The following PLCD4 variants were observed in gnomAD, a reference collection of about 807,000 sequenced individuals.
PLCD4 encodes 1-phosphatidylinositol 4,5-bisphosphate phosphodiesterase delta-4.
In PLCD4, 63 loss-of-function variants were observed where a neutral mutation model predicts 90.2. The ratio of observed to expected loss-of-function variants is 0.70; its 90% confidence interval spans 0.57 to 0.86. The LOEUF is 0.86. Ranked by LOEUF, PLCD4 falls within the 40% of genes least tolerant of loss-of-function variation. The pLI is 0.00. For synonymous variants in PLCD4, 294 were observed against 356.5 expected, an observed-to-expected ratio of 0.82 and a Z score of 1.97; for missense variants, 830 against 956.3, an observed-to-expected ratio of 0.87 and a Z score of 1.74.
rs752696755 is a variant in PLCD4, at chr2:218,634,056, G to C, written c.1607-49G>C. The C allele has an allele frequency of 6.4e-7, 1 of 1,560,810 alleles. No individual in the cohort carries two copies. The highest frequency in any genetic ancestry group is 1.2e-5 in the South Asian group (1 of 84,600). Reference sequence around the variant, plus strand: ...AGGCATGGTCCTTGGGACTAGGGAAGTGGGAGATTCCACCCCACTTCCATC... The same window carrying C: ...AGGCATGGTCCTTGGGACTAGGGAACTGGGAGATTCCACCCCACTTCCATC... On this transcript the variant is annotated intron_variant, in intron 11 of 15. Coordinates refer to ENST00000450993, the MANE Select transcript of PLCD4 (RefSeq NM_032726.4). The surrounding 1 kb of genome is among the most constrained non-coding windows in gnomAD (Gnocchi z 4.0).
chr2:218,622,944 CCAGAGACAAG>C, intron 6 of PLCD4, 66 bp downstream of exon 6: 1 of 1,402,210 alleles, frequency 7.1e-7, no homozygotes, highest in Non-Finnish European at 9.8e-7. Flanking sequence ...ATTACAAGGT[CCAGAGACAAG>C]CAGCCATCTG....
intron 10 of PLCD4, chr2:218,633,361 C>T: frequency 2.8e-6 from 2 of 703,878 alleles, no homozygotes; most frequent in Non-Finnish European, 5.2e-6. Flanking sequence ...ATGCAGACCG[C>T]CTTTATTCCC....
intron 10 of PLCD4, 86 bp downstream of exon 10, chr2:218,632,398 G>C: frequency 1.5e-6 from 2 of 1,361,094 alleles, no homozygotes; most frequent in East Asian, 2.5e-5. Flanking sequence ...AGCCGTGCAA[G>C]ATGCAGGGCC....
chr2:218,635,422 T>C (rs2106171278), intron 13 of PLCD4, among the ~76,000 whole-genome samples: 1 of 152,130 alleles, frequency 6.6e-6, no homozygotes, highest in East Asian at 1.9e-4. Context: ...CACTGCAACC[T>C]CCGCCTCCTG....
At chr2:218,616,919 TATATATATAGAGAGAGAGAGAGAGAG>T (rs1301025218) in intron 3 of PLCD4, among the ~76,000 whole-genome samples, 12 of 25,156 alleles carry the variant, frequency 4.8e-4, no homozygotes, top group African/African-American at 1.6e-3. Context: ...TATATATATA[TATATATATAGAGAGAGAGAGAGAGAG>T]AGAGAGAGAG....
chr2:218,629,747 G>A, intron 8 of PLCD4, 84 bp downstream of exon 8: 1 of 1,441,878 alleles, frequency 6.9e-7, no homozygotes, highest in Admixed American at 2.1e-5. Context: ...GAGGGTGGAG[G>A]AGTACAGGGG....
At chr2:218,636,144 T>C in intron 14 of PLCD4, 99 bp from the exon 15 acceptor site, 1 of 1,421,830 alleles carries the variant, frequency 7.0e-7, no homozygotes, top group Non-Finnish European at 9.8e-7. Flanking sequence ...ACCTGTAAAA[T>C]GCTGATTGCC....
At chr2:218,614,642 G>C (rs1695499625) in intron 1 of PLCD4, among the ~76,000 whole-genome samples, 1 of 150,018 alleles carries the variant, frequency 6.7e-6, no homozygotes, top group East Asian at 2.0e-4. Context: ...AGTGAGACGG[G>C]GTTTTGCCAT....
intron 1 of PLCD4, among the ~76,000 whole-genome samples, chr2:218,608,271 G>A (rs1416645320): frequency 6.6e-6 from 1 of 152,156 alleles, no homozygotes; most frequent in African/African-American, 2.4e-5. Context: ...CCTCCTGGCT[G>A]TGTCAGTCGC....
intron 1 of PLCD4, among the ~76,000 whole-genome samples, chr2:218,611,037 G>C (rs1559260197): frequency 6.6e-6 from 1 of 151,958 alleles, no homozygotes; most frequent in East Asian, 1.9e-4. Context: ...CAGAGACCTT[G>C]GTTCTAATTC....
intron 8 of PLCD4, among the ~76,000 whole-genome samples, chr2:218,630,227 C>A (rs1334928484): frequency 6.6e-6 from 1 of 152,172 alleles, no homozygotes; most frequent in East Asian, 1.9e-4. Flanking sequence ...AGTTCTATCA[C>A]CCTTCTGGAA....
In PLCD4 at chr2:218,628,210, C is replaced by T. The variant is rs911704642; in HGVS notation, c.954C>T (p.Ser318=). The change falls in exon 7 of 16, where the codon AGC becomes AGT. Residue 318 remains serine (S), a synonymous_variant. Transcript: ENST00000450993. ...YLVGDQLCGQ[S]SVEGYIRALK... is the part of the protein sequence containing the mutation. ...TGGGGGACCAGCTTTGTGGCCAGAGCAGCGTCGAGGGATATATACGGTGCA... is the reference window on the plus strand; with the variant it reads ...TGGGGGACCAGCTTTGTGGCCAGAGTAGCGTCGAGGGATATATACGGTGCA... The T allele has an allele frequency of 2.5e-6, 4 of 1,613,856 alleles. No individual in the cohort carries two copies. The African/African-American group carries it at 5.3e-5, about 22-fold the overall frequency.
chr2:218,617,557 A>G (rs939149736), intron 3 of PLCD4, among the ~76,000 whole-genome samples: 1 of 150,200 alleles, frequency 6.7e-6, no homozygotes, highest in Non-Finnish European at 1.5e-5. Context: ...AGCCTGGGTG[A>G]CAAGAGCAAA....
intron 7 of PLCD4, chr2:218,629,222 AT>A (rs1314092083): frequency 7.2e-6 from 2 of 278,774 alleles, no homozygotes; most frequent in Admixed American, 4.3e-5. Context: ...TCTCAAAAAA[AT>A]AAAAGTAAAT....
chr2:218,633,875 A>ACC, intron 11 of PLCD4, 114 bp downstream of exon 11: 1 of 1,315,698 alleles, frequency 7.6e-7, no homozygotes, highest in Non-Finnish European at 1.1e-6. Flanking sequence ...GAGATGAAGG[A>ACC]GTTCAGAAAC....
Position 218,637,079 on chromosome 2 carries a change from G to A in PLCD4, c.*502G>A. The A allele has an allele frequency of 2.7e-6, 1 of 369,414 alleles. No individual in the cohort carries two copies. Among genetic ancestry groups the A allele is most frequent in the Non-Finnish European group, 5.3e-6 (1 of 189,208 alleles). 22.9% of individuals were successfully genotyped at this position (369,414 alleles called of 1,614,324 possible). On this transcript the variant is annotated 3_prime_UTR_variant, in exon 16 of 16. Coordinates refer to ENST00000450993, the MANE Select transcript of PLCD4 (RefSeq NM_032726.4). ...GGGAAAGAGACTTGACCCCAGGACT[G>A]TACTACGACTCTTAAGAGAACACTG...
chr2:218,626,991 C>T (rs565921447), intron 6 of PLCD4, among the ~76,000 whole-genome samples: 1 of 152,232 alleles, frequency 6.6e-6, no homozygotes, highest in South Asian at 2.1e-4. Context: ...CGGTGGCTCA[C>T]GCCTGTAATC....
At chr2:218,609,975 AAG>A (rs1375024702) in intron 1 of PLCD4, 16 of 151,424 alleles carry the variant, frequency 1.1e-4, no homozygotes, top group Non-Finnish European at 1.8e-4. Context: ...ACAGAGGATT[AAG>A]AGAGAGAGAG....
intron 6 of PLCD4, among the ~76,000 whole-genome samples, chr2:218,624,512 A>C (rs747956439): frequency 2.6e-5 from 4 of 152,094 alleles, no homozygotes; most frequent in Non-Finnish European, 5.9e-5. Context: ...TGAGGCCAGG[A>C]GTTCGAGACC....
Sources: allele counts gnomAD v4.1 joint callset (sites outside exome capture counted in the v4.1 genomes callset), GRCh38; gene constraint gnomAD v4.1.1; non-coding constraint Gnocchi (gnomAD v3.1); transcripts MANE v1.5; gene names NCBI Gene and HGNC (gene_info 2026-07-23, HGNC 2026-07-21).